Variants in TLN2 observed in about 807,000 individuals in gnomAD.
TLN2 encodes talin-2.
TLN2 carries 118 observed loss-of-function variants against 294.7 expected under a neutral mutation model. The observed-to-expected ratio is 0.40, with a 90% CI of 0.34 to 0.47. TLN2 has a LOEUF of 0.47. TLN2 is among the 20% of genes least tolerant of loss of function. The probability of loss-of-function intolerance (pLI) is 0.84; values close to 1 mark genes in which losing one functional copy is unlikely to be tolerated. For synonymous variants in TLN2, 1,431 were observed against 1,304.5 expected, an observed-to-expected ratio of 1.10 and a Z score of -2.09; for missense variants, 3,083 against 3,282.2, an observed-to-expected ratio of 0.94 and a Z score of 1.48.
rs1040504771 is a variant in TLN2 at position 62,694,307 on chromosome 15, C to T, written c.1216-9C>T. The stretch of plus-strand genomic sequence containing the variant: ...TTCATTTTTGCATCTTGTTTTATTG[C>T]ATTTCCAGAAACAAAGTAAAGATCG... On this transcript the variant is annotated splice_polypyrimidine_tract_variant and intron_variant, in intron 13 of 58. Transcript: ENST00000636159. The T allele has an allele frequency of 6.8e-6, 11 of 1,613,660 alleles. No homozygotes were observed. In the African/African-American group the frequency reaches 1.5e-4, roughly 22 times the overall value.
chr15:62,783,792 C>G lies in TLN2; in HGVS notation c.5638C>G (p.Pro1880Ala). ...CCAGATGACTAAGTCGGTTACTAAC[C>G]CGGAGGAGTTGGGAGGACTGGCTTC... The part of the protein sequence containing the change: ...QEMMTKSVTN[P>A]EELGGLASQM... The change falls in exon 45 of 59, where the codon CCG becomes GCG. Residue 1880 changes from proline (P) to alanine (A), a missense_variant. By Grantham distance (27) the Pro-to-Ala change is conservative. Coordinates refer to ENST00000636159, the MANE Select transcript of TLN2 (RefSeq NM_015059.3). 6.2e-7 allele frequency: 1 copy of G among 1,607,414 alleles called. No homozygotes were observed. Among genetic ancestry groups the G allele is most frequent in the South Asian group, 1.1e-5 (1 of 90,874 alleles).
intron 1 of TLN2, among the ~76,000 whole-genome samples, chr15:62,446,376 T>C (rs959266048): frequency 4.6e-5 from 7 of 152,188 alleles, no homozygotes; most frequent in African/African-American, 1.7e-4. Context: ...TTGGGTCTTC[T>C]TTTTGTATTT....
chr15:62,561,131 T>G (rs1041440691), intron 1 of TLN2, among the ~76,000 whole-genome samples: 1 of 152,232 alleles, frequency 6.6e-6, no homozygotes, highest in Non-Finnish European at 1.5e-5. Context: ...GCGACTTCAT[T>G]AGACCCATGT....
In TLN2 at chr15:62,737,034, A is replaced by G. The variant is rs773302555; in HGVS notation, c.3515A>G (p.Lys1172Arg). The G allele has an allele frequency of 3.7e-6, 6 of 1,614,112 alleles. No homozygotes were observed. Among genetic ancestry groups the G allele is most frequent in the African/African-American group, 1.3e-5 (1 of 74,954 alleles). ...EGSAMLIQEA[K>R]QALIAPGDAE... ...TCCGCCATGCTCATTCAAGAGGCCA[A>G]GCAGGCCCTGATTGCACCTGGAGAT... Residue 1172 changes from lysine to arginine, a missense_variant, in exon 29 of 59, where the codon AAG (lysine) becomes AGG (arginine). Transcript: ENST00000636159.
chr15:62,531,715 G>C (rs1489804051), intron 1 of TLN2, among the ~76,000 whole-genome samples: 2 of 152,140 alleles, frequency 1.3e-5, no homozygotes, highest in South Asian at 4.1e-4. Context: ...TAATTCAGTC[G>C]AAGGTATCCA....
intron 1 of TLN2, among the ~76,000 whole-genome samples, chr15:62,544,204 C>T (rs2041860950): frequency 6.6e-6 from 1 of 152,182 alleles, no homozygotes; most frequent in Admixed American, 6.5e-5. Flanking sequence ...TTTCTCCAGA[C>T]CTTTTAAAAA....
At chr15:62,468,835 A>G (rs2037300209) in intron 1 of TLN2, among the ~76,000 whole-genome samples, 1 of 151,878 alleles carries the variant, frequency 6.6e-6, no homozygotes, top group Non-Finnish European at 1.5e-5. Flanking sequence ...ACAATTCTTT[A>G]GAAATGAATG....
chr15:62,466,051 G>A (rs1256131949), intron 1 of TLN2, among the ~76,000 whole-genome samples: 3 of 152,180 alleles, frequency 2.0e-5, no homozygotes, highest in Non-Finnish European at 4.4e-5. Flanking sequence ...GAGGAAATAT[G>A]ATGGGGCTTT....
chr15:62,582,246 A>ACACACACACACACACACACACCCCCC (rs764248336), intron 1 of TLN2, among the ~76,000 whole-genome samples: 3 of 137,310 alleles, frequency 2.2e-5, no homozygotes, highest in South Asian at 2.5e-4. Context: ...ACACACACAC[A>ACACACACACACACACACACACCCCCC]CATTCATGCC....
chr15:62,833,356 G>GT, intron 54 of TLN2, 148 bp from the exon 55 acceptor site: 1 of 1,262,000 alleles, frequency 7.9e-7, no homozygotes, highest in Admixed American at 2.3e-5. Context: ...TCTGCTTCTT[G>GT]TTAAGGAACC....
chr15:62,398,658 G>A (rs2032758407), intron 1 of TLN2, among the ~76,000 whole-genome samples: 2 of 152,176 alleles, frequency 1.3e-5, no homozygotes, highest in Non-Finnish European at 2.9e-5. Flanking sequence ...CTGGAGCCAA[G>A]GTGACTCTTG....
chr15:62,568,416 T>C (rs1433041807), intron 1 of TLN2, among the ~76,000 whole-genome samples: 1 of 152,166 alleles, frequency 6.6e-6, no homozygotes, highest in Non-Finnish European at 1.5e-5. Context: ...AAATGGAACA[T>C]TGAACGATTA....
intron 1 of TLN2, among the ~76,000 whole-genome samples, chr15:62,531,568 C>T (rs369327544): frequency 6.6e-6 from 1 of 152,040 alleles, no homozygotes; most frequent in Admixed American, 6.6e-5. Context: ...ATATTCTCAC[C>T]ATAAAAATAA....
At chr15:62,468,614 G>A (rs1254271013) in intron 1 of TLN2, among the ~76,000 whole-genome samples, 1 of 151,912 alleles carries the variant, frequency 6.6e-6, no homozygotes, top group African/African-American at 2.4e-5. Flanking sequence ...GTGTGGTGGC[G>A]GGCGCCTGTA....
rs1478068657 is a variant in TLN2 at position 62,842,651 on chromosome 15, C to T, written c.*2041C>T. On this transcript the variant is annotated 3_prime_UTR_variant, in exon 59 of 59. Coordinates refer to ENST00000636159, the MANE Select transcript of TLN2 (RefSeq NM_015059.3). ...AGGCAGGGGCAGGCAGCCAGTTCTT[C>T]CACCTTGCCTCAGAGTCATTTAAAA... 1 of 151,940 alleles carries T rather than the reference C, an allele frequency of 6.6e-6. No individual in the cohort carries two copies. The highest frequency in any genetic ancestry group is 2.4e-5 in the African/African-American group (1 of 41,356). 9.4% of individuals were successfully genotyped at this position (151,940 alleles called of 1,614,324 possible).
chr15:62,762,386 T>C lies in TLN2; in HGVS notation c.4894T>C (p.Trp1632Arg). The change falls in exon 39 of 59, where the codon TGG (tryptophan) becomes CGG (arginine). Residue 1632 changes from tryptophan to arginine, a missense_variant. Trp to Arg is a moderately radical substitution (Grantham distance 101, BLOSUM62 -3). Coordinates refer to ENST00000636159, the MANE Select transcript of TLN2 (RefSeq NM_015059.3). ...LAINPKDPPTWSVLAGHSHTV... is the reference protein window; with the variant it reads ...LAINPKDPPTRSVLAGHSHTV... The stretch of plus-strand genomic sequence containing the variant: ...CATCAACCCCAAAGACCCACCCACC[T>C]GGTCTGTACTGGCTGGACATTCCCA... The C allele has an allele frequency of 1.2e-6, 2 of 1,614,154 alleles. No individual in the cohort carries two copies. Among genetic ancestry groups the C allele is most frequent in the Non-Finnish European group, 1.7e-6 (2 of 1,180,014 alleles).
chr15:62,784,293 GA>G, intron 45 of TLN2: 1 of 309,782 alleles, frequency 3.2e-6, no homozygotes, highest in East Asian at 5.2e-5. Context: ...AGTGTTGAAA[GA>G]TTCAAGTATG....
intron 43 of TLN2, 135 bp downstream of exon 43, chr15:62,777,045 T>A (rs932509357): frequency 2.7e-6 from 2 of 738,416 alleles, no homozygotes; most frequent in Non-Finnish European, 3.8e-6. Context: ...TGTACAGATA[T>A]CCAGTCACAT....
Position 62,457,684 on chromosome 15 carries a change from G to A in TLN2, c.-238+66999G>A, listed in dbSNP as rs940784709. On this transcript the variant is annotated intron_variant, in intron 1 of 58. Transcript: ENST00000636159. ...CACATGTCTAGATGATAAAGCCACG[G>A]CCAGCAGAGGGACTTGACAAAGGGG... 4.6e-5 allele frequency among the ~76,000 whole-genome samples: 7 copies of A among 152,188 alleles called. No homozygotes were observed. In the South Asian group the frequency reaches 1.0e-3, roughly 23 times the overall value.
Sources: gnomAD v4.1 joint callset for allele counts (sites outside exome capture counted in the v4.1 genomes callset) on GRCh38, gnomAD v4.1.1 for gene constraint, MANE v1.5 for transcripts, NCBI Gene and HGNC (gene_info 2026-07-23, HGNC 2026-07-21) for gene names.